The following SEMA5A variants were observed in gnomAD, a reference collection of about 807,000 sequenced individuals.
SEMA5A encodes the protein semaphorin 5A, also known as semaphorin-5A.
SEMA5A carries 55 observed loss-of-function variants against 135.5 expected under a neutral mutation model. The observed-to-expected ratio is 0.41, with a 90% CI of 0.33 to 0.51. The LOEUF (loss-of-function observed/expected upper bound fraction) is 0.51. Among genes scored for constraint, SEMA5A ranks in the 20% least tolerant of loss-of-function variants. The probability of loss-of-function intolerance (pLI) is 0.37; values close to 1 mark genes in which losing one functional copy is unlikely to be tolerated. For synonymous variants in SEMA5A, 580 were observed against 546.5 expected, an observed-to-expected ratio of 1.06 and a Z score of -0.85; for missense variants, 1,290 against 1,419.9, an observed-to-expected ratio of 0.91 and a Z score of 1.47.
At chr5:9,406,832 G>C (rs923832062) in intron 2 of SEMA5A, among the ~76,000 whole-genome samples, 8 of 152,210 alleles carry the variant, frequency 5.3e-5, no homozygotes, top group African/African-American at 1.9e-4. Flanking sequence ...TAGGTGTCCT[G>C]TAGTAGATAG....
chr5:9,305,745 CA>C (rs2150626925), intron 5 of SEMA5A, among the ~76,000 whole-genome samples: 1 of 137,580 alleles, frequency 7.3e-6, no homozygotes, highest in East Asian at 2.0e-4. Context: ...CACACACACA[CA>C]CACACACACA....
intron 2 of SEMA5A, among the ~76,000 whole-genome samples, chr5:9,410,361 C>T (rs1224006939): frequency 6.6e-6 from 1 of 152,136 alleles, no homozygotes; most frequent in East Asian, 1.9e-4. Context: ...CTTAATTCAC[C>T]TTTTGAAAGC....
chr5:9,066,659 C>A lies in SEMA5A; in HGVS notation c.2074-13G>T, dbSNP rs370609839. On this transcript the variant is annotated splice_polypyrimidine_tract_variant and intron_variant, in intron 16 of 22. Transcript: ENST00000382496. ...AAGACTGGTACTCCTGGGGAGAATG[C>A]GCAGACGAGTGTTACTATACGGGGT... The A allele has an allele frequency of 1.2e-6, 2 of 1,611,268 alleles. No individual in the cohort carries two copies. Among genetic ancestry groups the A allele is most frequent in the East Asian group, 2.2e-5 (1 of 44,866 alleles).
chr5:9,353,110 A>AGGAAAG lies in SEMA5A; in HGVS notation c.125-15304_125-15299dup, dbSNP rs1754226169. Among the ~76,000 whole-genome samples the AGGAAAG allele has an allele frequency of 4.1e-4, 7 of 17,024 alleles. 2 individuals are homozygous for AGGAAAG. The highest frequency in any genetic ancestry group is 1.3e-3 in the African/African-American group (5 of 3,800). The allele number at this position is 17,024 out of a possible 152,430, so 11.2% of individuals were successfully genotyped here. On this transcript the variant is annotated intron_variant, in intron 3 of 22. Coordinates refer to ENST00000382496, the MANE Select transcript of SEMA5A (RefSeq NM_003966.3). Reference sequence around the variant, plus strand: ...AAAGGAAAGGAAGGAAGGAAAGGAAAGGAAAGGAAAGGAAAGGAAAGGAAA... The same window carrying AGGAAAG: ...AAAGGAAAGGAAGGAAGGAAAGGAAAGGAAAGGGAAAGGAAAGGAAAGGAAAGGAAA...
chr5:9,267,511 G>A (rs1017307887), intron 5 of SEMA5A, among the ~76,000 whole-genome samples: 1 of 152,010 alleles, frequency 6.6e-6, no homozygotes, highest in Non-Finnish European at 1.5e-5. Context: ...ATTCTTAACT[G>A]GTTTCCACAT....
chr5:9,115,821 G>A (rs1012485368), intron 15 of SEMA5A, among the ~76,000 whole-genome samples: 1 of 152,164 alleles, frequency 6.6e-6, no homozygotes, highest in African/African-American at 2.4e-5. Flanking sequence ...ACCTCCTCTA[G>A]GTTGTGGAGG....
chr5:9,061,514 G>A (rs1737180994), intron 18 of SEMA5A, among the ~76,000 whole-genome samples: 1 of 152,146 alleles, frequency 6.6e-6, no homozygotes, highest in South Asian at 2.1e-4. Flanking sequence ...CGTGTGGGCT[G>A]AAGACTTTCC....
chr5:9,245,626 T>C (rs1186031911), intron 5 of SEMA5A, among the ~76,000 whole-genome samples: 1 of 152,204 alleles, frequency 6.6e-6, no homozygotes, highest in Non-Finnish European at 1.5e-5. Context: ...CCTTATTCCG[T>C]ACTCTATAAT....
At chr5:9,420,253 A>G (rs1757419239) in intron 2 of SEMA5A, among the ~76,000 whole-genome samples, 1 of 152,138 alleles carries the variant, frequency 6.6e-6, no homozygotes, top group African/African-American at 2.4e-5. Context: ...GCTGTATTAC[A>G]TTCCATCTTT....
chr5:9,099,112 C>T (rs1739482641), intron 16 of SEMA5A, among the ~76,000 whole-genome samples: 1 of 152,158 alleles, frequency 6.6e-6, no homozygotes, highest in Non-Finnish European at 1.5e-5. Context: ...TAGAGGCAGA[C>T]TCTTGATGGA....
At chr5:9,072,749 T>G (rs1737838835) in intron 16 of SEMA5A, among the ~76,000 whole-genome samples, 1 of 152,194 alleles carries the variant, frequency 6.6e-6, no homozygotes, top group African/African-American at 2.4e-5. Flanking sequence ...ATAACTTAAT[T>G]ATGTCCTCAA....
At chr5:9,470,747 A>G (rs1759446094) in intron 1 of SEMA5A, among the ~76,000 whole-genome samples, 1 of 152,206 alleles carries the variant, frequency 6.6e-6, no homozygotes, top group African/African-American at 2.4e-5. Flanking sequence ...CAGCCACCCC[A>G]GAAATCAGCC....
chr5:9,498,772 T>C (rs754913623), intron 1 of SEMA5A: 1 of 152,120 alleles, frequency 6.6e-6, no homozygotes, highest in East Asian at 1.9e-4. Context: ...GGGGCCATTA[T>C]GACTCAAGAC....
rs1228534544 is a variant in SEMA5A, at chr5:9,204,926, G to A, written c.647-2686C>T. On this transcript the variant is annotated intron_variant, in intron 8 of 22. Transcript: ENST00000382496. This position sits in a 1 kb window ranked among gnomAD's most constrained non-coding sequence, Gnocchi z 6.4. ...GGGATCTAAGTTGTACACATCTTAT[G>A]AGAATCTAATGCCTGATGATCTGAG... Among the ~76,000 whole-genome samples, 3 of 152,156 alleles carry A rather than the reference G, an allele frequency of 2.0e-5. No individual in the cohort carries two copies. Among genetic ancestry groups the A allele is most frequent in the Non-Finnish European group, 4.4e-5 (3 of 68,026 alleles).
intron 3 of SEMA5A, among the ~76,000 whole-genome samples, chr5:9,349,536 G>C (rs1754021048): frequency 6.6e-6 from 1 of 152,178 alleles, no homozygotes; most frequent in Non-Finnish European, 1.5e-5. Flanking sequence ...CTCTAAAGCA[G>C]CACCATCCAA....
At chr5:9,293,189 G>GCTCTCA (rs150885653) in intron 5 of SEMA5A, among the ~76,000 whole-genome samples, 1 of 149,426 alleles carries the variant, frequency 6.7e-6, no homozygotes, top group African/African-American at 2.5e-5. Flanking sequence ...AGAGCTCTCA[G>GCTCTCA]GTCTCTCTCT....
intron 6 of SEMA5A, among the ~76,000 whole-genome samples, chr5:9,231,655 T>G (rs369849247): frequency 9.9e-5 from 15 of 152,224 alleles, no homozygotes; most frequent in African/African-American, 3.6e-4. Context: ...GAAGTACTGC[T>G]TGGAGTCACA....
chr5:9,116,665 C>A (rs1246428972), intron 15 of SEMA5A, among the ~76,000 whole-genome samples: 2 of 152,034 alleles, frequency 1.3e-5, no homozygotes, highest in African/African-American at 2.4e-5. Context: ...TTGTGGCTAC[C>A]CAGGATTTCT....
intron 2 of SEMA5A, among the ~76,000 whole-genome samples, chr5:9,403,561 G>A (rs1275846430): frequency 1.3e-5 from 2 of 152,100 alleles, no homozygotes; most frequent in South Asian, 2.1e-4. Context: ...TATAAGGATT[G>A]TAATATTGAA....
Sources: gnomAD v4.1 joint callset for allele counts (sites outside exome capture counted in the v4.1 genomes callset) on GRCh38, gnomAD v4.1.1 for gene constraint, Gnocchi (gnomAD v3.1) non-coding constraint, MANE v1.5 for transcripts, NCBI Gene and HGNC (gene_info 2026-07-23, HGNC 2026-07-21) for gene names.